Variants in ZNF322 observed in about 807,000 individuals in gnomAD.
ZNF322 encodes the protein HLA complex group 12.
Under a neutral mutation model 18.3 loss-of-function variants are expected in ZNF322, and 1 was observed. The ratio of observed to expected loss-of-function variants is 0.05; its 90% CI spans 0.02 to 0.26. ZNF322 has a LOEUF of 0.26. Ranked by LOEUF, ZNF322 falls within the 10% of genes least tolerant of loss-of-function variation. The pLI is 1.00. For synonymous variants in ZNF322, 17 were observed against 130.7 expected, an observed-to-expected ratio of 0.13 and a Z score of 5.93; for missense variants, 36 against 403.6, an observed-to-expected ratio of 0.09 and a Z score of 7.80.
chr6:26,643,102 G>C (rs782025816), intron 3 of ZNF322, among the ~76,000 whole-genome samples: 6 of 152,136 alleles, frequency 3.9e-5, no homozygotes, highest in South Asian at 2.1e-4. Context: ...TCTTCTCTTT[G>C]CATGTTCTAA....
intron 2 of ZNF322, chr6:26,650,270 A>C (rs1554149080): frequency 6.6e-6 from 1 of 152,200 alleles, no homozygotes. Context: ...AAGTGATATT[A>C]CTAGGAACAA....
chr6:26,646,056 T>C (rs1260875630), intron 2 of ZNF322, among the ~76,000 whole-genome samples: 4 of 149,302 alleles, frequency 2.7e-5, no homozygotes, highest in Admixed American at 1.3e-4. Context: ...AATAAATAAA[T>C]AAATAAATAA....
At chr6:26,649,127 T>C (rs9368448) in intron 2 of ZNF322, among the ~76,000 whole-genome samples, 29,686 of 152,204 alleles carry the variant, frequency 0.2, 3,036 homozygotes, top group African/African-American at 0.24. Context: ...AGCTGTACAG[T>C]TGCTACTCAA....
intron 2 of ZNF322, among the ~76,000 whole-genome samples, chr6:26,649,852 C>G (rs1765636610): frequency 6.6e-6 from 1 of 150,734 alleles, no homozygotes; most frequent in Non-Finnish European, 1.5e-5. Flanking sequence ...TGCAGGCATG[C>G]ACCACCATGC....
intron 2 of ZNF322, among the ~76,000 whole-genome samples, chr6:26,656,646 T>C (rs1463688454): frequency 6.6e-6 from 1 of 152,032 alleles, no homozygotes; most frequent in Non-Finnish European, 1.5e-5. Flanking sequence ...TACAGACAAA[T>C]AGCTGTTATA....
At chr6:26,653,120 T>C (rs1765703002) in intron 2 of ZNF322, among the ~76,000 whole-genome samples, 1 of 152,172 alleles carries the variant, frequency 6.6e-6, no homozygotes, top group Admixed American at 6.5e-5. Context: ...CTGGAGGGAA[T>C]GCAAACTGGT....
intron 2 of ZNF322, among the ~76,000 whole-genome samples, chr6:26,646,074 A>C (rs1554148739): frequency 2.9e-5 from 4 of 138,894 alleles, no homozygotes; most frequent in East Asian, 4.3e-4. Flanking sequence ...TAAATAAATA[A>C]ATCTAAGTAC....
intron 2 of ZNF322, among the ~76,000 whole-genome samples, chr6:26,646,723 A>T (rs1235433090): frequency 6.6e-6 from 1 of 152,214 alleles, no homozygotes; most frequent in Non-Finnish European, 1.5e-5. Flanking sequence ...ATTCTTTTTA[A>T]GAACACATGA....
intron 2 of ZNF322, among the ~76,000 whole-genome samples, chr6:26,654,989 A>G (rs1375871588): frequency 2.0e-5 from 3 of 152,216 alleles, no homozygotes; most frequent in African/African-American, 7.2e-5. Flanking sequence ...GAAAAACATA[A>G]CATCACTTCT....
intron 2 of ZNF322, among the ~76,000 whole-genome samples, chr6:26,649,820 C>T (rs782102873): frequency 2.7e-5 from 4 of 149,352 alleles, no homozygotes; most frequent in Non-Finnish European, 4.4e-5. Context: ...TCTCCTGCCT[C>T]AGCCTCCTGA....
chr6:26,642,419 T>C (rs1554148399), intron 3 of ZNF322, among the ~76,000 whole-genome samples: 12 of 152,202 alleles, frequency 7.9e-5, no homozygotes. Context: ...CTCTTTGTCT[T>C]CTTTTCTCAG....
chr6:26,639,368 A>G (rs1269364569), intron 3 of ZNF322, among the ~76,000 whole-genome samples: 1 of 152,214 alleles, frequency 6.6e-6, no homozygotes, highest in Non-Finnish European at 1.5e-5. Context: ...CTGCTTTGAT[A>G]TGATTATATA....
At chr6:26,657,250 C>G (rs1247325503) in intron 2 of ZNF322, among the ~76,000 whole-genome samples, 2 of 127,996 alleles carry the variant, frequency 1.6e-5, no homozygotes, top group South Asian at 5.4e-4. Flanking sequence ...GACTCCATCT[C>G]AAAAAAAAAA....
intron 2 of ZNF322, among the ~76,000 whole-genome samples, chr6:26,648,835 A>G (rs1554148913): frequency 6.6e-6 from 1 of 152,250 alleles, no homozygotes; most frequent in African/African-American, 2.4e-5. Context: ...GAACAATTCA[A>G]CATTATGAAG....
At chr6:26,644,567 T>C (rs1413809586) in intron 2 of ZNF322, among the ~76,000 whole-genome samples, 1 of 152,212 alleles carries the variant, frequency 6.6e-6, no homozygotes, top group African/African-American at 2.4e-5. Flanking sequence ...GGCCCAGTTA[T>C]TTGACAACTC....
At chr6:26,642,077 G>A (rs9368445) in intron 3 of ZNF322, among the ~76,000 whole-genome samples, 28,365 of 152,156 alleles carry the variant, frequency 0.19, 2,748 homozygotes, top group African/African-American at 0.21. Context: ...TATGGCTGGA[G>A]GTGAGACATG....
chr6:26,657,576 T>C (rs1379554944), intron 2 of ZNF322, among the ~76,000 whole-genome samples: 1 of 152,176 alleles, frequency 6.6e-6, no homozygotes, highest in Non-Finnish European at 1.5e-5. Context: ...CATTCAACTT[T>C]ATGGTATACA....
chr6:26,650,639 C>T (rs1765651049), intron 2 of ZNF322, among the ~76,000 whole-genome samples: 1 of 152,104 alleles, frequency 6.6e-6, no homozygotes, highest in South Asian at 2.1e-4. Flanking sequence ...TTCCTCTATA[C>T]CAGCAATGAA....
Sources: gnomAD v4.1 joint callset for allele counts (sites outside exome capture counted in the v4.1 genomes callset) on GRCh38, gnomAD v4.1.1 for gene constraint, MANE v1.5 for transcripts, NCBI Gene and HGNC (gene_info 2026-07-23, HGNC 2026-07-21) for gene names.